The following CPEB4 variants were observed in gnomAD, a reference collection of about 807,000 sequenced individuals.
CPEB4 encodes the protein cytoplasmic polyadenylation element binding protein 4, also known as cytoplasmic polyadenylation element-binding protein 4.
CPEB4 carries 12 observed loss-of-function variants against 72.5 expected under a neutral mutation model. The ratio of observed to expected loss-of-function variants is 0.17; its 90% CI spans 0.11 to 0.27. CPEB4 has a LOEUF of 0.27. Ranked by LOEUF, CPEB4 falls within the 10% of genes least tolerant of loss-of-function variation. CPEB4 has a pLI of 1.00. For missense variants in CPEB4, 614 were observed against 908.5 expected (o/e 0.68, Z 4.17); for synonymous variants, 302 against 326.3 (o/e 0.93, Z 0.80).
intron 3 of CPEB4, among the ~76,000 whole-genome samples, chr5:173,935,129 T>G (rs1298960799): frequency 1.3e-5 from 2 of 152,194 alleles, no homozygotes; most frequent in African/African-American, 4.8e-5. Flanking sequence ...AATAAGAGAA[T>G]TAGAATAAGT....
chr5:173,889,934 C>T lies in CPEB4; in HGVS notation c.201C>T (p.Thr67=). 1.2e-6 allele frequency: 2 copies of T among 1,614,102 alleles called. No individual in the cohort carries two copies. Among genetic ancestry groups the T allele is most frequent in the Non-Finnish European group, 8.5e-7 (1 of 1,180,002 alleles). Residue 67 remains threonine, a synonymous_variant, in exon 1 of 10, where the codon ACC becomes ACT. Coordinates refer to ENST00000265085, the MANE Select transcript of CPEB4 (RefSeq NM_030627.4). ...CTTGGCTTTTTCCTGCTCCAGCTACCCATAACATTCAGGATGAGATCTTGG... is the reference window on the plus strand; with the variant it reads ...CTTGGCTTTTTCCTGCTCCAGCTACTCATAACATTCAGGATGAGATCTTGG... The part of the protein sequence containing the change: ...GSAWLFPAPA[T]HNIQDEILGS...
intron 2 of CPEB4, among the ~76,000 whole-genome samples, chr5:173,918,653 A>AT (rs1207569410): frequency 1.3e-5 from 2 of 152,198 alleles, no homozygotes; most frequent in African/African-American, 4.8e-5. Context: ...CATGGGCCAG[A>AT]TCCTCATCTG....
chr5:173,932,430 C>T lies in CPEB4; in HGVS notation c.1208-20C>T, dbSNP rs376228091. 8.1e-5 allele frequency: 129 copies of T among 1,601,844 alleles called. No individual in the cohort carries two copies. Among genetic ancestry groups the T allele is most frequent in the Non-Finnish European group, 9.2e-5 (108 of 1,172,432 alleles). ...TCTATGAAAAAAGTAAACTTAGTAA[C>T]GGCCTTCTTTTACCTTCAGGTCGTC... On this transcript the variant is annotated intron_variant, in intron 2 of 9. Coordinates refer to ENST00000265085, the MANE Select transcript of CPEB4 (RefSeq NM_030627.4).
intron 3 of CPEB4, among the ~76,000 whole-genome samples, chr5:173,936,426 A>G (rs1757623334): frequency 6.6e-6 from 1 of 152,318 alleles, no homozygotes; most frequent in South Asian, 2.1e-4. Context: ...TTACCTTTTT[A>G]AAGACCCTGT....
At chr5:173,936,905 T>C (rs571437261) in intron 3 of CPEB4, among the ~76,000 whole-genome samples, 1 of 151,936 alleles carries the variant, frequency 6.6e-6, no homozygotes, top group Non-Finnish European at 1.5e-5. Context: ...AGGAGAAAGT[T>C]ATAGAGCAAA....
chr5:173,936,388 C>A (rs1465796989), intron 3 of CPEB4, among the ~76,000 whole-genome samples: 2 of 152,154 alleles, frequency 1.3e-5, no homozygotes, highest in Non-Finnish European at 2.9e-5. Context: ...GGATTAGGGA[C>A]CACCCAAGTG....
chr5:173,894,155 G>A (rs1011051595), intron 1 of CPEB4, among the ~76,000 whole-genome samples: 29 of 151,930 alleles, frequency 1.9e-4, no homozygotes, highest in African/African-American at 5.6e-4. Flanking sequence ...TACTATGCCC[G>A]GCTAATTTTT....
At chr5:173,931,288 G>A (rs560325459) in intron 2 of CPEB4, among the ~76,000 whole-genome samples, 33 of 152,290 alleles carry the variant, frequency 2.2e-4, no homozygotes, top group African/African-American at 7.9e-4. Flanking sequence ...CTGGCATCCT[G>A]GAAGGCCTGC....
chr5:173,910,640 A>G (rs778235629), intron 2 of CPEB4, 36 bp downstream of exon 2: 5 of 1,280,410 alleles, frequency 3.9e-6, no homozygotes, highest in Non-Finnish European at 5.7e-6. Flanking sequence ...ATTTCAGACA[A>G]TAGTTTTAAA....
At chr5:173,949,734 C>T (rs1454777035) in intron 6 of CPEB4, 137 bp downstream of exon 6, 1 of 693,082 alleles carries the variant, frequency 1.4e-6, no homozygotes, top group African/African-American at 1.8e-5. Context: ...TTTAAAATTT[C>T]AACATAATAT....
chr5:173,932,498 A>G lies in CPEB4; in HGVS notation c.1256A>G (p.Asn419Ser). The G allele has an allele frequency of 1.2e-6, 2 of 1,610,662 alleles. No homozygotes were observed. ...GGATCCGATAGCTCTCTGCTTATTAATGGTAAGTGATAATTGATTTACCCT... is the reference window on the plus strand; with the variant it reads ...GGATCCGATAGCTCTCTGCTTATTAGTGGTAAGTGATAATTGATTTACCCT... ...YPGSDSSLLI[N>S]ARTYGRRRGQ... is the part of the protein sequence containing the mutation. The change falls in exon 3 of 10, where the codon AAT becomes AGT. Residue 419 changes from asparagine (N) to serine (S), a missense_variant and splice_region_variant. Asn to Ser is a conservative substitution (Grantham distance 46, BLOSUM62 1). Coordinates refer to ENST00000265085, the MANE Select transcript of CPEB4 (RefSeq NM_030627.4).
intron 1 of CPEB4, among the ~76,000 whole-genome samples, chr5:173,891,782 T>C (rs1312956892): frequency 2.0e-5 from 3 of 152,200 alleles, no homozygotes; most frequent in Admixed American, 6.5e-5. Flanking sequence ...GTATATACTT[T>C]GAGGGTATGA....
At chr5:173,890,941 C>T in intron 1 of CPEB4, 83 bp downstream of exon 1, 2 of 1,296,020 alleles carry the variant, frequency 1.5e-6, no homozygotes, top group Middle Eastern at 2.3e-4. Context: ...TTTGAAGTGC[C>T]CGTATTCACA....
chr5:173,939,574 A>G (rs566316162), intron 3 of CPEB4, among the ~76,000 whole-genome samples: 1 of 152,312 alleles, frequency 6.6e-6, no homozygotes, highest in Non-Finnish European at 1.5e-5. Flanking sequence ...TAAGTCTGGC[A>G]TTACAGATTA....
intron 1 of CPEB4, among the ~76,000 whole-genome samples, chr5:173,897,716 CT>C (rs1252561662): frequency 2.6e-5 from 4 of 152,046 alleles, no homozygotes; most frequent in African/African-American, 9.7e-5. Flanking sequence ...CATTTCCAAA[CT>C]TTTTTATTAA....
intron 2 of CPEB4, among the ~76,000 whole-genome samples, chr5:173,926,055 G>A (rs1181446073): frequency 2.0e-5 from 3 of 152,106 alleles, no homozygotes; most frequent in Admixed American, 6.6e-5. Flanking sequence ...GCACCATGTT[G>A]TCAACATTGT....
chr5:173,898,182 T>A (rs974382645), intron 1 of CPEB4, among the ~76,000 whole-genome samples: 8 of 152,172 alleles, frequency 5.3e-5, no homozygotes, highest in African/African-American at 1.9e-4. Context: ...ATATTTTAAA[T>A]CTATATTTAT....
intron 3 of CPEB4, among the ~76,000 whole-genome samples, chr5:173,938,191 C>A (rs1309353879): frequency 1.3e-5 from 2 of 152,062 alleles, no homozygotes; most frequent in African/African-American, 4.8e-5. Flanking sequence ...CATATATTTT[C>A]TTTTAGTCCT....
intron 5 of CPEB4, among the ~76,000 whole-genome samples, chr5:173,946,394 C>T (rs1219739732): frequency 2.6e-5 from 4 of 152,094 alleles, no homozygotes; most frequent in African/African-American, 9.7e-5. Context: ...GAACTTTGTA[C>T]CTGAAGCACT....
Sources: gnomAD v4.1 joint callset for allele counts (sites outside exome capture counted in the v4.1 genomes callset) on GRCh38, gnomAD v4.1.1 for gene constraint, MANE v1.5 for transcripts, NCBI Gene and HGNC (gene_info 2026-07-23, HGNC 2026-07-21) for gene names.